The following ZIM2 variants were observed in gnomAD, a reference collection of about 807,000 sequenced individuals.
ZIM2 encodes zinc finger protein 656.
Under a neutral mutation model 38.6 loss-of-function variants are expected in ZIM2, and 14 were observed. That is an observed-to-expected ratio of 0.36 (90% confidence interval 0.24 to 0.57). The LOEUF (loss-of-function observed/expected upper bound fraction) is 0.57, where lower values mean the gene tolerates loss of function less well. ZIM2 is among the 20% of genes least tolerant of loss of function. The pLI, the probability that ZIM2 is intolerant of heterozygous loss-of-function variation, is 0.81. For missense variants in ZIM2, 680 were observed against 695.1 expected (o/e 0.98, Z 0.24); for synonymous variants, 247 against 245.8 (o/e 1.00, Z -0.04).
Position 56,814,523 on chromosome 19 carries a change from C to T in ZIM2, c.490+3223G>A, listed in dbSNP as rs1568618642. ...TAGGAGGACCCGTACTCATAGGGCT[C>T]ATTCTTATGAACAGTTACGTGATCT... is the stretch of plus-strand genomic sequence containing the variant. On this transcript the variant is annotated intron_variant, in intron 9 of 12. Coordinates refer to ENST00000629319, the MANE Select transcript of ZIM2 (RefSeq NM_001387356.1). The surrounding 1 kb of genome is among the most constrained non-coding windows in gnomAD (Gnocchi z 5.8). 6.2e-7 allele frequency: 1 copy of T among 1,613,972 alleles called. No individual in the cohort carries two copies. The highest frequency in any genetic ancestry group is 8.5e-7 in the Non-Finnish European group (1 of 1,179,910).
At chr19:56,825,656 C>T (rs183732896) in intron 3 of ZIM2, among the ~76,000 whole-genome samples, 6 of 151,978 alleles carry the variant, frequency 3.9e-5, no homozygotes, top group Admixed American at 2.6e-4. Context: ...AATGACTGGT[C>T]AGCACATCTG....
At chr19:56,812,059 A>G in intron 9 of ZIM2, 1 of 982,968 alleles carries the variant, frequency 1.0e-6, no homozygotes, top group African/African-American at 1.8e-5. Context: ...CATTTCCCCC[A>G]GTGGGTACTT....
chr19:56,835,232 A>C (rs1413265308), intron 2 of ZIM2, among the ~76,000 whole-genome samples: 1 of 152,214 alleles, frequency 6.6e-6, no homozygotes, highest in Non-Finnish European at 1.5e-5. Flanking sequence ...AAATCTGATT[A>C]TCATGATACT....
chr19:56,819,150 T>G (rs2146254590), intron 7 of ZIM2, among the ~76,000 whole-genome samples: 1 of 152,150 alleles, frequency 6.6e-6, no homozygotes, highest in East Asian at 1.9e-4. Flanking sequence ...GTGGGAAAAC[T>G]TAGACTAAAT....
chr19:56,797,492 G>A (rs2145964674), intron 9 of ZIM2, among the ~76,000 whole-genome samples: 1 of 152,304 alleles, frequency 6.6e-6, no homozygotes, highest in African/African-American at 2.4e-5. Context: ...TTTTATGTGT[G>A]TGTGTTCTTT....
In ZIM2 at chr19:56,789,865, G is replaced by A. The variant is rs778378979; in HGVS notation, c.570+7C>T. ...TGATAACCATGTCAGAGGAAAGCCT[G>A]ACTCACCTGGGACCCAGCAGATGGC... is the stretch of plus-strand genomic sequence containing the variant. On this transcript the variant is annotated splice_region_variant and intron_variant, in intron 10 of 12. Coordinates refer to ENST00000629319, the MANE Select transcript of ZIM2 (RefSeq NM_001387356.1). 4 of 1,549,768 alleles carry A rather than the reference G, an allele frequency of 2.6e-6. No homozygotes were observed. The highest frequency in any genetic ancestry group is 3.5e-6 in the Non-Finnish European group (4 of 1,136,890).
chr19:56,840,247 G>A (rs1035224844), intron 1 of ZIM2, among the ~76,000 whole-genome samples: 3 of 152,206 alleles, frequency 2.0e-5, no homozygotes, highest in Non-Finnish European at 2.9e-5. Context: ...GGTTTGCTGC[G>A]GTGGCCCCCG....
At position 56,814,890 on chromosome 19, in the gene ZIM2, G is replaced by T. The variant is rs1384112132; in HGVS notation, c.490+2856C>A. 2 of 1,614,014 alleles carry T rather than the reference G, an allele frequency of 1.2e-6. No individual in the cohort carries two copies. The highest frequency in any genetic ancestry group is 1.7e-6 in the Non-Finnish European group (2 of 1,180,020). ...TGGAATACAACTGGTCTTGTTCATG[G>T]ATTCTCTGATGCTCGAAAAGGAATG... On this transcript the variant is annotated intron_variant, in intron 9 of 12. Coordinates refer to ENST00000629319, the MANE Select transcript of ZIM2 (RefSeq NM_001387356.1). The surrounding 1 kb of genome is among the most constrained non-coding windows in gnomAD (Gnocchi z 5.8).
chr19:56,801,412 G>T (rs568909676), intron 9 of ZIM2, among the ~76,000 whole-genome samples: 9 of 152,256 alleles, frequency 5.9e-5, no homozygotes, highest in Admixed American at 5.2e-4. Flanking sequence ...CCTGGAGCAG[G>T]ACATTTACCA....
chr19:56,839,469 G>A (rs1450444041), intron 1 of ZIM2, among the ~76,000 whole-genome samples: 1 of 150,828 alleles, frequency 6.6e-6, no homozygotes, highest in African/African-American at 2.5e-5. Context: ...AGTCACTTCA[G>A]CCTTGCCCCG....
At chr19:56,810,038 T>C (rs539249096) in intron 9 of ZIM2, 195 of 500,126 alleles carry the variant, frequency 3.9e-4, no homozygotes, top group Non-Finnish European at 4.7e-4. Context: ...AAATAACATA[T>C]TTAAAGCCCC....
At chr19:56,798,633 G>A (rs1245048961) in intron 9 of ZIM2, 1 of 152,122 alleles carries the variant, frequency 6.6e-6, no homozygotes, top group Non-Finnish European at 1.5e-5. Context: ...AAACTAAAGA[G>A]CTTCTGTACA....
At chr19:56,779,578 T>G in intron 11 of ZIM2, 106 bp from the exon 12 acceptor site, 8 of 1,058,544 alleles carry the variant, frequency 7.6e-6, no homozygotes, top group Non-Finnish European at 1.1e-5. Flanking sequence ...AGGAGTAAAA[T>G]GAAGCCTGTT....
At chr19:56,810,305 T>C (rs2048036857) in intron 9 of ZIM2, 1 of 981,064 alleles carries the variant, frequency 1.0e-6, no homozygotes, top group Admixed American at 6.2e-5. Context: ...GAAATATATG[T>C]AGTAAAGGTG....
chr19:56,796,436 ACT>A (rs2047233230), intron 9 of ZIM2, among the ~76,000 whole-genome samples: 1 of 151,888 alleles, frequency 6.6e-6, no homozygotes, highest in Non-Finnish European at 1.5e-5. Flanking sequence ...ATGATGTCTC[ACT>A]CTGTCACCCA....
intron 10 of ZIM2, among the ~76,000 whole-genome samples, chr19:56,787,066 C>G (rs2046648888): frequency 6.6e-6 from 1 of 151,826 alleles, no homozygotes; most frequent in African/African-American, 2.4e-5. Context: ...CAACTCCTGA[C>G]CTAAGGTGAT....
chr19:56,826,007 G>A (rs937947736), intron 3 of ZIM2, among the ~76,000 whole-genome samples: 1 of 152,140 alleles, frequency 6.6e-6, no homozygotes, highest in Non-Finnish European at 1.5e-5. Context: ...ATCCCATGGA[G>A]CTTGGGCACC....
chr19:56,800,907 T>G (rs1422892694), intron 9 of ZIM2, among the ~76,000 whole-genome samples: 1 of 152,028 alleles, frequency 6.6e-6, no homozygotes, highest in Non-Finnish European at 1.5e-5. Flanking sequence ...GTCCCCTATG[T>G]TAAAACAAGG....
Position 56,776,100 on chromosome 19 carries a change from CAAAAAA to C in ZIM2, c.836-577_836-572del, listed in dbSNP as rs56776253. 2.8e-5 allele frequency among the ~76,000 whole-genome samples: 3 copies of C among 106,714 alleles called. No individual in the cohort carries two copies. In the Admixed American group the frequency reaches 2.9e-4, roughly 10 times the overall value. The allele number at this position is 106,714 out of a possible 152,430, so 70.0% of individuals were successfully genotyped here. A position where few individuals can be genotyped will look rare whatever the true frequency, so the allele number is the denominator to read the frequency against. ...TGGATGACAGAGTGAGACTCTGTCTCAAAAAAAAAAAAAAAAAAAAAAGGAAAAGAC... is the reference window on the plus strand; with the variant it reads ...TGGATGACAGAGTGAGACTCTGTCTCAAAAAAAAAAAAAAAAGGAAAAGAC... On this transcript the variant is annotated intron_variant, in intron 12 of 12. Coordinates refer to ENST00000629319, the MANE Select transcript of ZIM2 (RefSeq NM_001387356.1).
Sources: gnomAD v4.1 joint callset for allele counts (sites outside exome capture counted in the v4.1 genomes callset) on GRCh38, gnomAD v4.1.1 for gene constraint, Gnocchi (gnomAD v3.1) non-coding constraint, MANE v1.5 for transcripts, NCBI Gene and HGNC (gene_info 2026-07-23, HGNC 2026-07-21) for gene names.